FUBP3: variants seen among roughly 807,000 people sequenced by gnomAD.
FUBP3 encodes the protein far upstream element binding protein 3, also known as far upstream element-binding protein 3.
Under a neutral mutation model 85.6 loss-of-function variants are expected in FUBP3, and 28 were observed. The ratio of observed to expected loss-of-function variants is 0.33; its 90% CI spans 0.24 to 0.45. The LOEUF is 0.45. Ranked by LOEUF, FUBP3 falls within the 20% of genes least tolerant of loss-of-function variation. The pLI is 1.00. For missense variants in FUBP3, 583 were observed against 755.1 expected (o/e 0.77, Z 2.67); for synonymous variants, 271 against 271.4 (o/e 1.00, Z 0.01).
Position 130,602,236 on chromosome 9 carries a change from C to T in FUBP3, c.190+6648C>T, listed in dbSNP as rs1831192154. Among the ~76,000 whole-genome samples the T allele has an allele frequency of 3.3e-5, 5 of 152,256 alleles. No individual in the cohort carries two copies. In the South Asian group the frequency reaches 1.0e-3, roughly 32 times the overall value. ...ACTCTCCATGGCTTCAGCCACCTAC[C>T]AGGGGTCTTGGAACATATCCCTCAT... On this transcript the variant is annotated intron_variant, in intron 2 of 18. Transcript: ENST00000319725.
intron 8 of FUBP3, among the ~76,000 whole-genome samples, chr9:130,619,777 CAAGG>C (rs1829663703): frequency 2.0e-5 from 3 of 152,238 alleles, no homozygotes; most frequent in African/African-American, 7.2e-5. Context: ...GTGACGTCCA[CAAGG>C]AAGTCTCACC....
At position 130,637,041 on chromosome 9, in the gene FUBP3, A is replaced by C. The variant is rs779364101; in HGVS notation, c.*19A>C. 5 of 1,605,086 alleles carry C rather than the reference A, an allele frequency of 3.1e-6. No homozygotes were observed. The highest frequency in any genetic ancestry group is 3.3e-5 in the Admixed American group (2 of 59,978). On this transcript the variant is annotated 3_prime_UTR_variant, in exon 19 of 19. Coordinates refer to ENST00000319725, the MANE Select transcript of FUBP3 (RefSeq NM_003934.2). ...GCAGTAGGACAGCGTCCTCGTGGCC[A>C]ACTCTCCCCTCAAAATCATTGTCAA... is the stretch of plus-strand genomic sequence containing the variant.
chr9:130,620,715 A>T (rs533623327), intron 9 of FUBP3, among the ~76,000 whole-genome samples: 7 of 152,316 alleles, frequency 4.6e-5, no homozygotes, highest in African/African-American at 1.2e-4. Flanking sequence ...CCAGTTGCCC[A>T]GGTAAAAACC....
chr9:130,611,248 G>A (rs1000220033), intron 3 of FUBP3, among the ~76,000 whole-genome samples: 2 of 152,166 alleles, frequency 1.3e-5, no homozygotes, highest in Admixed American at 1.3e-4. Context: ...CTGGCCACAC[G>A]CACAAGAGCC....
At chr9:130,603,537 G>T (rs60237677) in intron 2 of FUBP3, among the ~76,000 whole-genome samples, 3,171 of 152,110 alleles carry the variant, frequency 0.021, 144 homozygotes, top group East Asian at 0.19. Context: ...ACTCACATGG[G>T]TACATACATA....
Position 130,612,541 on chromosome 9 carries a change from C to CT in FUBP3, c.274+37dup. On this transcript the variant is annotated intron_variant, in intron 4 of 18. Transcript: ENST00000319725. This position sits in a 1 kb window ranked among gnomAD's most constrained non-coding sequence, Gnocchi z 4.1. The stretch of plus-strand genomic sequence containing the variant: ...ATGTTGTCTACTTTTTCCCTGATTC[C>CT]TGTCTCTTCTTTTTCTCTCTTTTTT... 1 of 1,282,546 alleles carries CT rather than the reference C, an allele frequency of 7.8e-7. No individual in the cohort carries two copies. The highest frequency in any genetic ancestry group is 1.5e-5 in the African/African-American group (1 of 68,076). The allele number at this position is 1,282,546 out of a possible 1,614,324, so 79.4% of individuals were successfully genotyped here. A position where few individuals can be genotyped will look rare whatever the true frequency, so the allele number is the denominator to read the frequency against.
chr9:130,608,057 A>G (rs1002824162), intron 2 of FUBP3, among the ~76,000 whole-genome samples: 1 of 152,244 alleles, frequency 6.6e-6, no homozygotes, highest in African/African-American at 2.4e-5. Flanking sequence ...TGGCTTTTGA[A>G]CAGGAGCCCT....
In FUBP3 at chr9:130,630,792, C is replaced by T. The variant is rs1012206655; in HGVS notation, c.1278+4C>T. On this transcript the variant is annotated splice_donor_region_variant and intron_variant, in intron 13 of 18. Coordinates refer to ENST00000319725, the MANE Select transcript of FUBP3 (RefSeq NM_003934.2). ...GCTCATAGATGAGAAAGTTGGCGTA[C>T]GTACAGGGTCCTTCCCCCACCTGGT... The T allele has an allele frequency of 2.7e-6, 4 of 1,469,442 alleles. No individual in the cohort carries two copies. The highest frequency in any genetic ancestry group is 2.7e-6 in the Non-Finnish European group (3 of 1,109,706). The allele number at this position is 1,469,442 out of a possible 1,614,324, so 91.0% of individuals were successfully genotyped here.
chr9:130,595,630 A>G (rs753194667), intron 2 of FUBP3, 42 bp downstream of exon 2: 1 of 864,554 alleles, frequency 1.2e-6, no homozygotes, highest in Non-Finnish European at 2.0e-6. Flanking sequence ...GTGGTAGTGA[A>G]CCTGCCAGTT....
At chr9:130,597,770 G>A (rs1830942857) in intron 2 of FUBP3, among the ~76,000 whole-genome samples, 2 of 152,214 alleles carry the variant, frequency 1.3e-5, no homozygotes. Context: ...TTTAAACAGT[G>A]CTCAACAGAA....
chr9:130,632,162 T>G, intron 15 of FUBP3, 40 bp from the exon 16 acceptor site: 2 of 1,553,044 alleles, frequency 1.3e-6, no homozygotes, highest in East Asian at 4.5e-5. Flanking sequence ...AGGGGTGACT[T>G]GCCCCCTATA....
rs996671727 is a variant in FUBP3 at position 130,627,227 on chromosome 9, C to T, written c.1117+722C>T. On this transcript the variant is annotated intron_variant, in intron 12 of 18. Coordinates refer to ENST00000319725, the MANE Select transcript of FUBP3 (RefSeq NM_003934.2). ...GAGACCAGGGCCGAGGCTGTGGGGCCTTCCCAGTGTAGCAGCAGGGCTCGG... is the reference window on the plus strand; with the variant it reads ...GAGACCAGGGCCGAGGCTGTGGGGCTTTCCCAGTGTAGCAGCAGGGCTCGG... Among the ~76,000 whole-genome samples, 47 of 152,234 alleles carry T rather than the reference C, an allele frequency of 3.1e-4. 1 individual carries two copies. Among genetic ancestry groups the T allele is most frequent in the Admixed American group, 2.1e-3 (32 of 15,286 alleles).
intron 1 of FUBP3, among the ~76,000 whole-genome samples, chr9:130,582,705 G>A (rs1830185130): frequency 6.6e-6 from 1 of 152,180 alleles, no homozygotes. Context: ...TGGATGAGTA[G>A]ATCCAAGTCT....
chr9:130,604,929 C>T (rs897523754), intron 2 of FUBP3, among the ~76,000 whole-genome samples: 38 of 151,782 alleles, frequency 2.5e-4, no homozygotes, highest in African/African-American at 8.2e-4. Context: ...AGAAATACCA[C>T]TCCCAATGTG....
At chr9:130,594,952 C>T (rs899610869) in intron 1 of FUBP3, among the ~76,000 whole-genome samples, 2 of 148,626 alleles carry the variant, frequency 1.3e-5, no homozygotes, top group African/African-American at 5.0e-5. Context: ...TGCGGCCGGG[C>T]GCAGTGGCTC....
chr9:130,602,615 C>G (rs893002055), intron 2 of FUBP3, among the ~76,000 whole-genome samples: 2 of 152,088 alleles, frequency 1.3e-5, no homozygotes, highest in African/African-American at 4.8e-5. Context: ...TTGATACTTT[C>G]CCTGAATGGG....
chr9:130,633,663 T>C (rs918795097), intron 16 of FUBP3, among the ~76,000 whole-genome samples: 1 of 152,246 alleles, frequency 6.6e-6, no homozygotes, highest in Admixed American at 6.5e-5. Flanking sequence ...AAATACTGTT[T>C]GGCGGCGAAG....
chr9:130,633,905 C>G (rs549772239), intron 16 of FUBP3, among the ~76,000 whole-genome samples: 2 of 152,340 alleles, frequency 1.3e-5, no homozygotes, highest in South Asian at 4.2e-4. Flanking sequence ...AGGCTACAAT[C>G]CTTACAGGAG....
chr9:130,586,671 C>T (rs1055179510), intron 1 of FUBP3, among the ~76,000 whole-genome samples: 3 of 151,498 alleles, frequency 2.0e-5, no homozygotes, highest in African/African-American at 4.9e-5. Context: ...ATGCCCTCTG[C>T]ATTTTAGGAA....
Sources: gnomAD v4.1 joint callset for allele counts (sites outside exome capture counted in the v4.1 genomes callset) on GRCh38, gnomAD v4.1.1 for gene constraint, Gnocchi (gnomAD v3.1) non-coding constraint, MANE v1.5 for transcripts, NCBI Gene and HGNC (gene_info 2026-07-23, HGNC 2026-07-21) for gene names.